NLGN1: variants seen among roughly 807,000 people sequenced by gnomAD.
The protein encoded by NLGN1 is neuroligin-1.
In NLGN1, 12 loss-of-function variants were observed where a neutral mutation model predicts 65.5. That is an observed-to-expected ratio of 0.18 (90% CI 0.12 to 0.30). The LOEUF (loss-of-function observed/expected upper bound fraction) is 0.30, where lower values mean the gene tolerates loss of function less well. Ranked by LOEUF, NLGN1 falls within the 10% of genes least tolerant of loss-of-function variation. NLGN1 has a pLI of 1.00. For synonymous variants in NLGN1, 350 were observed against 359.5 expected (o/e 0.97, Z 0.30); for missense variants, 750 against 1,007.1 (o/e 0.74, Z 3.46).
At chr3:173,711,205 C>A (rs1768913412) in intron 3 of NLGN1, among the ~76,000 whole-genome samples, 1 of 152,148 alleles carries the variant, frequency 6.6e-6, no homozygotes, top group African/African-American at 2.4e-5. Context: ...TTTTGGTCAT[C>A]TTTTGGGTTT....
chr3:173,610,262 A>G (rs997693469), intron 3 of NLGN1, among the ~76,000 whole-genome samples: 6 of 152,124 alleles, frequency 3.9e-5, no homozygotes, highest in African/African-American at 1.2e-4. Flanking sequence ...AATACCTGGA[A>G]TAATAGATTT....
chr3:173,920,838 GGAGA>G (rs1399148282), intron 4 of NLGN1: 1 of 151,926 alleles, frequency 6.6e-6, no homozygotes, highest in African/African-American at 2.4e-5. Flanking sequence ...AGAGAGAAAG[GGAGA>G]GAGAATGTTT....
intron 2 of NLGN1, among the ~76,000 whole-genome samples, chr3:173,564,961 A>T (rs1160573010): frequency 1.3e-5 from 2 of 152,136 alleles, no homozygotes; most frequent in East Asian, 1.9e-4. Context: ...TGATAAGCAA[A>T]ACTCCTATCT....
intron 4 of NLGN1, among the ~76,000 whole-genome samples, chr3:173,840,298 T>C (rs1206018582): frequency 6.6e-6 from 1 of 152,222 alleles, no homozygotes; most frequent in Non-Finnish European, 1.5e-5. Flanking sequence ...TTCTATGGAC[T>C]ACCATAAAAT....
intron 2 of NLGN1, among the ~76,000 whole-genome samples, chr3:173,546,265 T>C (rs1282886463): frequency 3.9e-5 from 6 of 152,146 alleles, no homozygotes; most frequent in African/African-American, 1.4e-4. Context: ...TTTTGTGAAA[T>C]AGTGAAACCC....
At chr3:173,799,330 T>A (rs1232058499) in intron 3 of NLGN1, among the ~76,000 whole-genome samples, 1 of 152,064 alleles carries the variant, frequency 6.6e-6, no homozygotes, top group Non-Finnish European at 1.5e-5. Flanking sequence ...ATGTCAATTA[T>A]GTGACACTTA....
chr3:173,462,932 T>C (rs16826720), intron 2 of NLGN1, among the ~76,000 whole-genome samples: 4,662 of 152,304 alleles, frequency 0.031, 228 homozygotes, highest in African/African-American at 0.11. Context: ...AAATTCAGTC[T>C]GTGTTTTCTT....
intron 3 of NLGN1, among the ~76,000 whole-genome samples, chr3:173,718,905 T>G (rs1447976652): frequency 6.6e-6 from 1 of 152,140 alleles, no homozygotes; most frequent in African/African-American, 2.4e-5. Flanking sequence ...TGTGAAAAAT[T>G]TTCTTGAATC....
At chr3:173,855,402 G>A (rs757386218) in intron 4 of NLGN1, among the ~76,000 whole-genome samples, 4 of 151,482 alleles carry the variant, frequency 2.6e-5, no homozygotes, top group Non-Finnish European at 2.9e-5. Context: ...ATCTATTTTG[G>A]TCAATTAACT....
chr3:173,472,664 T>A (rs998793565), intron 2 of NLGN1, among the ~76,000 whole-genome samples: 1 of 152,078 alleles, frequency 6.6e-6, no homozygotes, highest in Non-Finnish European at 1.5e-5. Flanking sequence ...ATTAATACTT[T>A]CCCTTTTTAT....
intron 3 of NLGN1, among the ~76,000 whole-genome samples, chr3:173,674,999 A>G (rs575858480): frequency 5.1e-4 from 78 of 152,152 alleles, no homozygotes; most frequent in African/African-American, 1.8e-3. Flanking sequence ...TACTCAAATT[A>G]TGTCAATCAG....
chr3:174,013,124 G>C (rs1484961471), intron 4 of NLGN1, among the ~76,000 whole-genome samples: 4 of 152,204 alleles, frequency 2.6e-5, no homozygotes. Flanking sequence ...AATGGGTGAA[G>C]TCTTCCAGAT....
intron 4 of NLGN1, among the ~76,000 whole-genome samples, chr3:173,844,489 G>T (rs776615901): frequency 1.6e-4 from 24 of 152,120 alleles, no homozygotes; most frequent in Non-Finnish European, 3.2e-4. Context: ...GAGAATGAGA[G>T]TTTGATAAGG....
intron 2 of NLGN1, among the ~76,000 whole-genome samples, chr3:173,549,424 GA>G (rs1473142074): frequency 6.6e-5 from 10 of 151,920 alleles, no homozygotes; most frequent in African/African-American, 2.2e-4. Flanking sequence ...ATGAGATGTA[GA>G]AAACATTTCA....
chr3:174,099,481 A>C (rs1172698313), intron 4 of NLGN1, among the ~76,000 whole-genome samples: 2 of 152,208 alleles, frequency 1.3e-5, no homozygotes, highest in Non-Finnish European at 2.9e-5. Context: ...ATAGACTTAA[A>C]TGCACAGATT....
At chr3:173,828,699 A>G (rs1199311066) in intron 4 of NLGN1, among the ~76,000 whole-genome samples, 3 of 152,120 alleles carry the variant, frequency 2.0e-5, no homozygotes, top group Non-Finnish European at 4.4e-5. Flanking sequence ...GGGTAGCCAG[A>G]GAAGGCTTTT....
chr3:174,247,202 G>A (rs1743959503), intron 4 of NLGN1, among the ~76,000 whole-genome samples: 1 of 152,138 alleles, frequency 6.6e-6, no homozygotes, highest in African/African-American at 2.4e-5. Flanking sequence ...CAATATCAAA[G>A]GTTCTTCCTC....
At chr3:173,540,153 C>T (rs1054386038) in intron 2 of NLGN1, among the ~76,000 whole-genome samples, 16 of 152,066 alleles carry the variant, frequency 1.1e-4, no homozygotes, top group African/African-American at 3.9e-4. Flanking sequence ...CAGGGCTTTA[C>T]TCCCAAACCC....
Position 174,129,232 on chromosome 3 carries a change from C to T in NLGN1, c.647-146083C>T, listed in dbSNP as rs567436929. On this transcript the variant is annotated intron_variant, in intron 4 of 6. Transcript: ENST00000457714. ...AGACTTAGAAGTGTTGAGGCCCAAA[C>T]GATCAATTTTTTGGCTCATAATTTA... is the stretch of plus-strand genomic sequence containing the variant. Among the ~76,000 whole-genome samples, 20 of 151,776 alleles carry T rather than the reference C, an allele frequency of 1.3e-4. No individual in the cohort carries two copies. The East Asian group carries it at 1.6e-3, about 12-fold the overall frequency.
Sources: gnomAD v4.1 joint callset for allele counts (sites outside exome capture counted in the v4.1 genomes callset) on GRCh38, gnomAD v4.1.1 for gene constraint, MANE v1.5 for transcripts, NCBI Gene and HGNC (gene_info 2026-07-23, HGNC 2026-07-21) for gene names.